The following PRKG1 variants were observed in gnomAD, a reference collection of about 807,000 sequenced individuals.
PRKG1 encodes the protein cGMP-dependent protein kinase 1.
In PRKG1, 35 loss-of-function variants were observed where a neutral mutation model predicts 88.1. That is an observed-to-expected ratio of 0.40 (90% CI 0.30 to 0.53). The LOEUF (loss-of-function observed/expected upper bound fraction) is 0.53, where lower values mean the gene tolerates loss of function less well. Ranked by LOEUF, PRKG1 falls within the 20% of genes least tolerant of loss-of-function variation. PRKG1 has a pLI of 0.59. For synonymous variants in PRKG1, 303 were observed against 292.5 expected, an observed-to-expected ratio of 1.04 and a Z score of -0.37; for missense variants, 540 against 839.8, an observed-to-expected ratio of 0.64 and a Z score of 4.41.
intron 3 of PRKG1, among the ~76,000 whole-genome samples, chr10:51,708,821 C>T (rs1232514148): frequency 1.3e-5 from 2 of 152,138 alleles, no homozygotes; most frequent in Non-Finnish European, 2.9e-5. Flanking sequence ...TTGTTAACCT[C>T]CTTTACCTTC....
rs1485577288 is a variant in PRKG1 at position 51,742,988 on chromosome 10, G to T, written c.593-61597G>T. ...GGTGTAGCAAACCACCATGGCACATGTATACCTATGTAACAAACCTGCACG... is the reference window on the plus strand; with the variant it reads ...GGTGTAGCAAACCACCATGGCACATTTATACCTATGTAACAAACCTGCACG... On this transcript the variant is annotated intron_variant, in intron 3 of 17. Coordinates refer to ENST00000373980, the MANE Select transcript of PRKG1 (RefSeq NM_006258.4). Among the ~76,000 whole-genome samples the T allele has an allele frequency of 2.0e-5, 3 of 152,018 alleles. No individual in the cohort carries two copies. In the East Asian group the frequency reaches 5.8e-4, roughly 29 times the overall value.
intron 3 of PRKG1, among the ~76,000 whole-genome samples, chr10:51,646,426 C>T (rs983705688): frequency 2.6e-5 from 4 of 152,126 alleles, no homozygotes; most frequent in East Asian, 3.8e-4. Flanking sequence ...CCTTCCGCTT[C>T]GCATTTTTTT....
chr10:52,064,753 G>A (rs1360394758), intron 7 of PRKG1, among the ~76,000 whole-genome samples: 1 of 152,160 alleles, frequency 6.6e-6, no homozygotes, highest in East Asian at 1.9e-4. Flanking sequence ...CAGAAGGGGT[G>A]GGGGTCCCTC....
intron 2 of PRKG1, among the ~76,000 whole-genome samples, chr10:51,314,818 G>C (rs1841278860): frequency 6.6e-6 from 1 of 152,148 alleles, no homozygotes; most frequent in Admixed American, 6.5e-5. Flanking sequence ...TTGTTACACT[G>C]TCTCGGAAAA....
chr10:51,601,505 C>T (rs535038765), intron 3 of PRKG1, among the ~76,000 whole-genome samples: 5 of 152,160 alleles, frequency 3.3e-5, no homozygotes, highest in South Asian at 4.1e-4. Context: ...TGGTTCCACC[C>T]GGCAGGGTAT....
intron 2 of PRKG1, among the ~76,000 whole-genome samples, chr10:51,244,453 A>T (rs1171068744): frequency 6.6e-6 from 1 of 151,878 alleles, no homozygotes; most frequent in African/African-American, 2.4e-5. Flanking sequence ...TTATTTATAG[A>T]ACATTCAGTG....
At chr10:52,204,097 A>T (rs12782388) in intron 9 of PRKG1, among the ~76,000 whole-genome samples, 3,990 of 61,050 alleles carry the variant, frequency 0.065, 92 homozygotes, top group Non-Finnish European at 0.13. Context: ...TATTATTATT[A>T]TTATTATTAT....
rs187930242 is a variant in PRKG1 at position 51,623,393 on chromosome 10, G to A, written c.592+155557G>A. ...TTTTTTTAACTATTTGTAGAGACGG[G>A]ATCTCCCTATGTTGCTCAGTCTGGT... On this transcript the variant is annotated intron_variant, in intron 3 of 17. Coordinates refer to ENST00000373980, the MANE Select transcript of PRKG1 (RefSeq NM_006258.4). Among the ~76,000 whole-genome samples, 159 of 152,216 alleles carry A rather than the reference G, an allele frequency of 1.0e-3. 3 individuals carry two copies. In the South Asian group the frequency reaches 0.021, roughly 20 times the overall value.
chr10:51,178,929 C>A (rs1837272331), intron 2 of PRKG1, among the ~76,000 whole-genome samples: 1 of 152,134 alleles, frequency 6.6e-6, no homozygotes, highest in African/African-American at 2.4e-5. Flanking sequence ...AATATTAGTA[C>A]ACTAGACTGA....
At chr10:51,352,176 G>A (rs1024549002) in intron 2 of PRKG1, among the ~76,000 whole-genome samples, 18 of 152,070 alleles carry the variant, frequency 1.2e-4, no homozygotes, top group African/African-American at 2.2e-4. Flanking sequence ...GTCAGGTAGC[G>A]TGATGCCTCC....
At position 51,688,706 on chromosome 10, in the gene PRKG1, C is replaced by A. The variant is rs114316437; in HGVS notation, c.593-115879C>A. Among the ~76,000 whole-genome samples the A allele has an allele frequency of 2.8e-3, 428 of 151,618 alleles. 1 individual carries two copies. Among genetic ancestry groups the A allele is most frequent in the African/African-American group, 9.8e-3 (406 of 41,334 alleles). Reference sequence around the variant, plus strand: ...GTATTTAACAATGTTGTATTTTTAGCTCCTTTTATAAAATCTTGTAGAAAC... The same window carrying A: ...GTATTTAACAATGTTGTATTTTTAGATCCTTTTATAAAATCTTGTAGAAAC... On this transcript the variant is annotated intron_variant, in intron 3 of 17. Coordinates refer to ENST00000373980, the MANE Select transcript of PRKG1 (RefSeq NM_006258.4).
intron 3 of PRKG1, among the ~76,000 whole-genome samples, chr10:51,501,790 CTTTTT>C (rs5784871): frequency 4.4e-5 from 5 of 113,768 alleles, no homozygotes; most frequent in African/African-American, 6.7e-5. Flanking sequence ...ACTTTAGTTT[CTTTTT>C]TTTTTTTTTT....
intron 1 of PRKG1, among the ~76,000 whole-genome samples, chr10:51,022,014 T>C (rs2132736056): frequency 6.6e-6 from 1 of 152,300 alleles, no homozygotes; most frequent in Non-Finnish European, 1.5e-5. Context: ...TGAATCTTAT[T>C]CGACAAACTC....
intron 7 of PRKG1, among the ~76,000 whole-genome samples, chr10:52,126,204 G>C (rs1447119492): frequency 1.3e-5 from 2 of 151,974 alleles, no homozygotes; most frequent in African/African-American, 4.8e-5. Flanking sequence ...GGGCTACTGG[G>C]TATGTTTGTG....
intron 9 of PRKG1, among the ~76,000 whole-genome samples, chr10:52,173,666 T>C (rs1041432931): frequency 2.6e-5 from 4 of 152,196 alleles, no homozygotes; most frequent in African/African-American, 9.6e-5. Flanking sequence ...ATTAGTCAAC[T>C]TTATAAACTC....
intron 3 of PRKG1, among the ~76,000 whole-genome samples, chr10:51,726,935 C>T (rs1468882071): frequency 6.7e-6 from 1 of 149,844 alleles, no homozygotes; most frequent in African/African-American, 2.5e-5. Flanking sequence ...CGCTACCACA[C>T]CCAGCTCATT....
At chr10:51,471,661 A>T (rs1371860933) in intron 3 of PRKG1, among the ~76,000 whole-genome samples, 1 of 151,942 alleles carries the variant, frequency 6.6e-6, no homozygotes, top group Non-Finnish European at 1.5e-5. Flanking sequence ...AGAGGGATTC[A>T]GTGACACATG....
In PRKG1 at chr10:52,270,908, A is replaced by G. The variant is rs575231137; in HGVS notation, c.1174-442A>G. 2.0e-5 allele frequency among the ~76,000 whole-genome samples: 3 copies of G among 152,136 alleles called. No individual in the cohort carries two copies. The South Asian group carries it at 6.2e-4, about 32-fold the overall frequency. On this transcript the variant is annotated intron_variant, in intron 10 of 17. Transcript: ENST00000373980. Reference sequence around the variant, plus strand: ...TTAAAAAAAAGATAAAAAAAATTAGAAATGTTTGTGGATTAGAACTAAGGA... The same window carrying G: ...TTAAAAAAAAGATAAAAAAAATTAGGAATGTTTGTGGATTAGAACTAAGGA...
At chr10:51,294,543 T>C (rs187618368) in intron 2 of PRKG1, among the ~76,000 whole-genome samples, 252 of 152,302 alleles carry the variant, frequency 1.7e-3, no homozygotes, top group Non-Finnish European at 2.2e-3. Context: ...ATTCGTTAGG[T>C]TGGTGCAATA....
Sources: allele counts gnomAD v4.1 joint callset (sites outside exome capture counted in the v4.1 genomes callset), GRCh38; gene constraint gnomAD v4.1.1; transcripts MANE v1.5; gene names NCBI Gene and HGNC (gene_info 2026-07-23, HGNC 2026-07-21).